SHISAL1: variants seen among roughly 807,000 people sequenced by gnomAD.
The protein encoded by SHISAL1 is protein shisa-like-1.
In SHISAL1, 9 loss-of-function variants were observed where a neutral mutation model predicts 22.6. The ratio of observed to expected loss-of-function variants is 0.40; its 90% confidence interval spans 0.24 to 0.70. The LOEUF (loss-of-function observed/expected upper bound fraction) is 0.70. Among genes scored for constraint, SHISAL1 ranks in the 30% least tolerant of loss-of-function variants. The pLI is 0.39. For missense variants in SHISAL1, 246 were observed against 270.6 expected, an observed-to-expected ratio of 0.91 and a Z score of 0.64; for synonymous variants, 119 against 115.4, an observed-to-expected ratio of 1.03 and a Z score of -0.20.
intron 2 of SHISAL1, among the ~76,000 whole-genome samples, chr22:44,298,951 C>A (rs1051600961): frequency 6.6e-6 from 1 of 152,216 alleles, no homozygotes; most frequent in East Asian, 1.9e-4. Flanking sequence ...GCCGGGACAA[C>A]CGGGTGGGAG....
intron 4 of SHISAL1, among the ~76,000 whole-genome samples, chr22:44,255,270 C>G (rs1211005285): frequency 3.3e-5 from 5 of 152,170 alleles, no homozygotes; most frequent in Non-Finnish European, 7.3e-5. Context: ...CTCAAACTCT[C>G]ACCTAAACTC....
chr22:44,312,203 G>A (rs73165832), intron 1 of SHISAL1, among the ~76,000 whole-genome samples: 9,176 of 152,206 alleles, frequency 0.06, 379 homozygotes, highest in Non-Finnish European at 0.096. Flanking sequence ...TCATTTGTTC[G>A]TTCATTCATT....
chr22:44,268,993 G>A (rs531506365), intron 4 of SHISAL1, among the ~76,000 whole-genome samples: 11 of 151,938 alleles, frequency 7.2e-5, no homozygotes, highest in African/African-American at 1.9e-4. Flanking sequence ...CCCGGGCTCC[G>A]ACCTGACCAG....
At position 44,245,855 on chromosome 22, in the gene SHISAL1, CTGAATCTTTCTGA is replaced by C. The variant is rs2054995820; in HGVS notation, c.*3817_*3829del. On this transcript the variant is annotated 3_prime_UTR_variant, in exon 5 of 5. Coordinates refer to ENST00000381176, the MANE Select transcript of SHISAL1 (RefSeq NM_001099294.2). The stretch of plus-strand genomic sequence containing the variant: ...TCTTCAGCTCTGGGCCAAAATTTGA[CTGAATCTTTCTGA>C]TGATGAGGGGAGATGCCACTCACCC... 6.6e-6 allele frequency: 1 copy of C among 152,234 alleles called. No individual in the cohort carries two copies. Among genetic ancestry groups the C allele is most frequent in the Admixed American group, 6.5e-5 (1 of 15,276 alleles). The allele number at this position is 152,234 out of a possible 1,614,324, so 9.4% of individuals were successfully genotyped here. A position where few individuals can be genotyped will look rare whatever the true frequency, so the allele number is the denominator to read the frequency against.
At chr22:44,303,912 C>T (rs2055451549) in intron 1 of SHISAL1, among the ~76,000 whole-genome samples, 1 of 152,150 alleles carries the variant, frequency 6.6e-6, no homozygotes, top group Admixed American at 6.5e-5. Context: ...TCCCTGCCCG[C>T]TCCATCCTGT....
At chr22:44,301,003 T>C in intron 1 of SHISAL1, 26 bp from the exon 2 acceptor site, 1 of 1,530,534 alleles carries the variant, frequency 6.5e-7, no homozygotes, top group Non-Finnish European at 9.0e-7. Flanking sequence ...CACGAGAGGC[T>C]GGGTGTGGGC....
upstream of SHISAL1, among the ~76,000 whole-genome samples, chr22:44,314,158 G>C (rs1223454539): frequency 6.6e-6 from 1 of 150,942 alleles, no homozygotes; most frequent in Non-Finnish European, 1.5e-5. Context: ...CTCAGACCAG[G>C]GGGTCTGGTG....
chr22:44,252,475 GAAAATA>G (rs1001174296), intron 4 of SHISAL1, among the ~76,000 whole-genome samples: 3 of 151,932 alleles, frequency 2.0e-5, no homozygotes, highest in Admixed American at 1.3e-4. Context: ...CATACACACA[GAAAATA>G]AAACAAAGAC....
chr22:44,308,952 C>T (rs925616675), intron 1 of SHISAL1, among the ~76,000 whole-genome samples: 1 of 152,234 alleles, frequency 6.6e-6, no homozygotes, highest in African/African-American at 2.4e-5. Flanking sequence ...ATGAGTCTTG[C>T]CCAGCATTCT....
At chr22:44,318,142 T>A in the SHISAL1 span, among the ~76,000 whole-genome samples, 5 of 152,238 alleles carry the variant, frequency 3.3e-5, no homozygotes, top group Non-Finnish European at 7.3e-5. Context: ...CAAGCCTCTA[T>A]CCCGAGAGTC....
rs748333291 is a variant in SHISAL1, at chr22:44,245,539, A to AC, written c.*4145dup. ...ATTTTACAAGTCTGCACCCCCGGGG[A>AC]CCCCGTCTCCTTGAATGGCACAGTC... On this transcript the variant is annotated 3_prime_UTR_variant, in exon 5 of 5. Transcript: ENST00000381176. 3 of 152,202 alleles carry AC rather than the reference A, an allele frequency of 2.0e-5. No individual in the cohort carries two copies. The highest frequency in any genetic ancestry group is 4.4e-5 in the Non-Finnish European group (3 of 68,040). 9.4% of individuals were successfully genotyped at this position (152,202 alleles called of 1,614,324 possible). A position where few individuals can be genotyped will look rare whatever the true frequency, so the allele number is the denominator to read the frequency against.
Position 44,245,126 on chromosome 22 carries a change from C to G in SHISAL1, c.*4559G>C, listed in dbSNP as rs1213259725. On this transcript the variant is annotated 3_prime_UTR_variant, in exon 5 of 5. Transcript: ENST00000381176. ...CAGTGCTGTGGGGGCCAAGCAGACA[C>G]CCTCTGATGCCCACCACGTGAGCAG... The G allele has an allele frequency of 6.6e-6, 1 of 152,236 alleles. No homozygotes were observed. Among genetic ancestry groups the G allele is most frequent in the Non-Finnish European group, 1.5e-5 (1 of 68,060 alleles). 9.4% of individuals were successfully genotyped at this position (152,236 alleles called of 1,614,324 possible).
intron 3 of SHISAL1, among the ~76,000 whole-genome samples, chr22:44,288,087 G>A (rs1250263552): frequency 6.6e-6 from 1 of 152,184 alleles, no homozygotes; most frequent in Non-Finnish European, 1.5e-5. Flanking sequence ...GTGGACGCTC[G>A]TTCCCCTACC....
intron 1 of SHISAL1, among the ~76,000 whole-genome samples, chr22:44,312,379 C>T (rs1455248009): frequency 6.6e-6 from 1 of 152,154 alleles, no homozygotes; most frequent in African/African-American, 2.4e-5. Context: ...ATGCCGGACC[C>T]TCCCCCGAGC....
rs147788566 is a variant in SHISAL1 at position 44,279,612 on chromosome 22, G to A, written c.599+5816C>T. ...GCAAAGAGCTTGAGGGGTTCTAGGC[G>A]CAGGGAGAATAAGGTGAGAAACGGT... On this transcript the variant is annotated intron_variant, in intron 4 of 4. Transcript: ENST00000381176. Among the ~76,000 whole-genome samples, 334 of 152,326 alleles carry A rather than the reference G, an allele frequency of 2.2e-3. 3 individuals are homozygous for A. The highest frequency in any genetic ancestry group is 1.2e-3 in the Non-Finnish European group (85 of 68,036).
the SHISAL1 span, among the ~76,000 whole-genome samples, chr22:44,320,723 C>A: frequency 6.6e-6 from 1 of 152,168 alleles, no homozygotes; most frequent in Non-Finnish European, 1.5e-5. Flanking sequence ...CGGGGCTCGA[C>A]CCCTGGCCTG....
At chr22:44,307,232 G>A (rs967067748) in intron 1 of SHISAL1, among the ~76,000 whole-genome samples, 3 of 152,140 alleles carry the variant, frequency 2.0e-5, no homozygotes, top group African/African-American at 4.8e-5. Flanking sequence ...GCTGACCCAG[G>A]CTGGCTCACA....
At chr22:44,314,650 C>T (rs1244455832), upstream of SHISAL1, among the ~76,000 whole-genome samples, 1 of 152,166 alleles carries the variant, frequency 6.6e-6, no homozygotes, top group African/African-American at 2.4e-5. Context: ...GTGACCACAT[C>T]CTCTTGCACA....
intron 4 of SHISAL1, among the ~76,000 whole-genome samples, chr22:44,262,866 C>A (rs1313368279): frequency 2.0e-5 from 3 of 152,180 alleles, no homozygotes; most frequent in Non-Finnish European, 4.4e-5. Context: ...ATTTGAATAA[C>A]AATGAAAGCT....
Sources: allele counts gnomAD v4.1 joint callset (sites outside exome capture counted in the v4.1 genomes callset), GRCh38; gene constraint gnomAD v4.1.1; transcripts MANE v1.5; gene names NCBI Gene and HGNC (gene_info 2026-07-23, HGNC 2026-07-21).